The following ST18 variants were observed in gnomAD, a reference collection of about 807,000 sequenced individuals.
ST18 encodes suppression of tumorigenicity 18 protein.
In ST18, 50 loss-of-function variants were observed where a neutral mutation model predicts 110.0. The ratio of observed to expected loss-of-function variants is 0.45; its 90% CI spans 0.36 to 0.58. The LOEUF (loss-of-function observed/expected upper bound fraction) is 0.58, where lower values mean the gene tolerates loss of function less well. ST18 is among the 20% of genes least tolerant of loss of function. The probability of loss-of-function intolerance (pLI) is 0.00; values close to 1 mark genes in which losing one functional copy is unlikely to be tolerated. For synonymous variants in ST18, 461 were observed against 452.4 expected (o/e 1.02, Z -0.24); for missense variants, 1,306 against 1,280.1 (o/e 1.02, Z -0.31).
At chr8:52,280,885 A>G (rs2095363263) in intron 2 of ST18, among the ~76,000 whole-genome samples, 1 of 152,106 alleles carries the variant, frequency 6.6e-6, no homozygotes. Context: ...GCTAAAAGAC[A>G]CATATACCCC....
In ST18 at chr8:52,133,856, G is replaced by C. The variant is rs549635812; in HGVS notation, c.2301-555C>G. ...AGTGATTCTCCTGCCTCAGCCTCCCGAGTAGCTGGGATTATAGGCACATGC... is the reference window on the plus strand; with the variant it reads ...AGTGATTCTCCTGCCTCAGCCTCCCCAGTAGCTGGGATTATAGGCACATGC... On this transcript the variant is annotated intron_variant, in intron 19 of 25. Coordinates refer to ENST00000689386, the MANE Select transcript of ST18 (RefSeq NM_001352837.2). Among the ~76,000 whole-genome samples the C allele has an allele frequency of 8.0e-4, 121 of 151,938 alleles. 4 individuals carry two copies. In the South Asian group the frequency reaches 0.024, roughly 30 times the overall value.
chr8:52,235,931 TACTAA>T (rs1320909718), intron 2 of ST18, among the ~76,000 whole-genome samples: 2 of 151,842 alleles, frequency 1.3e-5, no homozygotes, highest in African/African-American at 2.4e-5. Flanking sequence ...CAAAAGAAAA[TACTAA>T]ACTAAACTGG....
At chr8:52,283,227 G>A (rs2095415559) in intron 2 of ST18, among the ~76,000 whole-genome samples, 1 of 152,230 alleles carries the variant, frequency 6.6e-6, no homozygotes, top group Admixed American at 6.5e-5. Context: ...AGAGACCCCA[G>A]CTGAGGCAAA....
chr8:52,188,358 G>A (rs902196508), intron 8 of ST18, among the ~76,000 whole-genome samples: 3 of 152,158 alleles, frequency 2.0e-5, no homozygotes, highest in Non-Finnish European at 2.9e-5. Flanking sequence ...CAGAAACAGT[G>A]GGGCACAGGA....
intron 3 of ST18, among the ~76,000 whole-genome samples, chr8:52,228,319 T>C (rs1234388582): frequency 6.6e-6 from 1 of 152,188 alleles, no homozygotes; most frequent in African/African-American, 2.4e-5. Flanking sequence ...TTTTTCCAAA[T>C]ATGGAAAGAA....
chr8:52,279,204 G>A (rs1173753870), intron 2 of ST18, among the ~76,000 whole-genome samples: 1 of 152,034 alleles, frequency 6.6e-6, no homozygotes, highest in Admixed American at 6.6e-5. Flanking sequence ...TATTGAAGAG[G>A]AAACTGTTAA....
chr8:52,211,833 C>T (rs2082277293), intron 8 of ST18, among the ~76,000 whole-genome samples: 3 of 152,104 alleles, frequency 2.0e-5, no homozygotes, highest in African/African-American at 7.2e-5. Context: ...AAGTGGGCTA[C>T]CACTCACATC....
chr8:52,240,664 T>C (rs996698893), intron 2 of ST18, among the ~76,000 whole-genome samples: 1 of 152,230 alleles, frequency 6.6e-6, no homozygotes, highest in Non-Finnish European at 1.5e-5. Context: ...TATTACTATC[T>C]CTGTTTTTCA....
In ST18 at chr8:52,133,144, T is replaced by C. The variant is rs1459943878; in HGVS notation, c.2364-7A>G. ...ACGAGGGCATCCGGACAAGCTGAAA[T>C]AGGGACCCGACAAAGAACAAAGCAA... On this transcript the variant is annotated splice_polypyrimidine_tract_variant and splice_region_variant and intron_variant, in intron 20 of 25. Coordinates refer to ENST00000689386, the MANE Select transcript of ST18 (RefSeq NM_001352837.2). 1 of 1,614,150 alleles carries C rather than the reference T, an allele frequency of 6.2e-7. No individual in the cohort carries two copies. Among genetic ancestry groups the C allele is most frequent in the African/African-American group, 1.3e-5 (1 of 75,024 alleles).
At chr8:52,153,985 T>C (rs545050881) in intron 15 of ST18, among the ~76,000 whole-genome samples, 37 of 152,320 alleles carry the variant, frequency 2.4e-4, no homozygotes, top group African/African-American at 8.9e-4. Flanking sequence ...ACTGAGTTTG[T>C]TTTTCCAACT....
chr8:52,172,101 T>C lies in ST18; in HGVS notation c.760A>G (p.Thr254Ala). The C allele has an allele frequency of 1.9e-6, 3 of 1,614,232 alleles. No homozygotes were observed. The highest frequency in any genetic ancestry group is 2.5e-6 in the Non-Finnish European group (3 of 1,180,038). The change falls in exon 10 of 26, where the codon ACA (threonine) becomes GCA (alanine). Residue 254 changes from threonine to alanine, a missense_variant. Physicochemically the swap from Thr to Ala is moderately conservative, Grantham distance 58. Coordinates refer to ENST00000689386, the MANE Select transcript of ST18 (RefSeq NM_001352837.2). ...GCATTCTGCGGGTCTTTCCTTTCTG[T>C]TTCAGAATCACACCTGTTCTCACAA... ...IPCENRCDSETERKDPQNALA... is the reference protein window; with the variant it reads ...IPCENRCDSEAERKDPQNALA...
intron 6 of ST18, among the ~76,000 whole-genome samples, chr8:52,215,470 C>T (rs924526335): frequency 6.6e-6 from 1 of 152,158 alleles, no homozygotes; most frequent in Non-Finnish European, 1.5e-5. Flanking sequence ...TCACCTGCAA[C>T]ACTACAGACA....
chr8:52,359,437 T>G (rs2140424698), intron 2 of ST18, among the ~76,000 whole-genome samples: 1 of 152,242 alleles, frequency 6.6e-6, no homozygotes, highest in Admixed American at 6.5e-5. Flanking sequence ...ATGGGTTTCC[T>G]GCTCTAATAG....
At chr8:52,382,516 G>A (rs1834944887) in intron 2 of ST18, among the ~76,000 whole-genome samples, 1 of 152,188 alleles carries the variant, frequency 6.6e-6, no homozygotes, top group African/African-American at 2.4e-5. Flanking sequence ...AGTGTTTCAA[G>A]GCATTTTCTC....
Position 52,165,197 on chromosome 8 carries a change from C to T in ST18, c.1233G>A (p.Lys411=). 1 of 1,614,192 alleles carries T rather than the reference C, an allele frequency of 6.2e-7. No homozygotes were observed. Among genetic ancestry groups the T allele is most frequent in the East Asian group, 2.2e-5 (1 of 44,884 alleles). ...TTCCTGTGCATCCCGGCGTGGGACA[C>T]TTGAGCACATTTTCATGCATGGCAA... ...EILAMHENVL[K]CPTPGCTGRG... Residue 411 remains lysine, a synonymous_variant, in exon 12 of 26, where the codon AAG becomes AAA. Transcript: ENST00000689386.
chr8:52,300,766 G>A (rs531265759), intron 2 of ST18, among the ~76,000 whole-genome samples: 1 of 152,280 alleles, frequency 6.6e-6, no homozygotes, highest in African/African-American at 2.4e-5. Flanking sequence ...GAGCAGAGTT[G>A]AATAGTTCTG....
chr8:52,394,283 T>C (rs1330612325), intron 2 of ST18, among the ~76,000 whole-genome samples: 1 of 152,308 alleles, frequency 6.6e-6, no homozygotes, highest in South Asian at 2.1e-4. Context: ...GTTTTTGGTC[T>C]TGCTATAAAT....
chr8:52,310,044 A>G (rs923030670), intron 2 of ST18, among the ~76,000 whole-genome samples: 1 of 152,226 alleles, frequency 6.6e-6, no homozygotes, highest in Non-Finnish European at 1.5e-5. Flanking sequence ...ATGTTTAGTC[A>G]TTCAAATCCT....
chr8:52,284,699 G>A (rs1223644371), intron 2 of ST18, among the ~76,000 whole-genome samples: 3 of 152,152 alleles, frequency 2.0e-5, no homozygotes, highest in African/African-American at 7.2e-5. Context: ...GATGGACCAT[G>A]AGTCCCAGAC....
Sources: gnomAD v4.1 joint callset for allele counts (sites outside exome capture counted in the v4.1 genomes callset) on GRCh38, gnomAD v4.1.1 for gene constraint, MANE v1.5 for transcripts, NCBI Gene and HGNC (gene_info 2026-07-23, HGNC 2026-07-21) for gene names.